Variants in ADAMTS9 observed in about 807,000 individuals in gnomAD.
ADAMTS9 encodes A disintegrin and metalloproteinase with thrombospondin motifs 9.
ADAMTS9 carries 107 observed loss-of-function variants against 257.1 expected under a neutral mutation model. The ratio of observed to expected loss-of-function variants is 0.42; its 90% confidence interval spans 0.36 to 0.49. The LOEUF is 0.49. ADAMTS9 is among the 20% of genes least tolerant of loss of function. The pLI, the probability that ADAMTS9 is intolerant of heterozygous loss-of-function variation, is 0.03. For missense variants in ADAMTS9, 2,353 were observed against 2,469.1 expected, an observed-to-expected ratio of 0.95 and a Z score of 1.00; for synonymous variants, 982 against 880.9, an observed-to-expected ratio of 1.11 and a Z score of -2.03.
chr3:64,621,319 T>C (rs1405808101), intron 18 of ADAMTS9, 79 bp from the exon 19 acceptor site: 2 of 1,470,252 alleles, frequency 1.4e-6, no homozygotes, highest in African/African-American at 2.8e-5. Flanking sequence ...TTGGCAAGCA[T>C]TTTCTCTAAA....
intron 30 of ADAMTS9, among the ~76,000 whole-genome samples, chr3:64,551,810 T>G (rs2106934329): frequency 6.6e-6 from 1 of 152,310 alleles, no homozygotes; most frequent in East Asian, 1.9e-4. Context: ...GCCCCTGTCC[T>G]AGTTTTCCAT....
At chr3:64,583,085 A>G (rs1337751603) in intron 28 of ADAMTS9, 2 of 152,248 alleles carry the variant, frequency 1.3e-5, no homozygotes, top group Non-Finnish European at 2.9e-5. Flanking sequence ...ATGAGGATAT[A>G]ACCCTTGTTT....
At position 64,622,482 on chromosome 3, in the gene ADAMTS9, AC is replaced by A; in HGVS notation, c.2493del (p.Ser832ProfsTer5). 6.2e-7 allele frequency: 1 copy of A among 1,614,066 alleles called. No homozygotes were observed. The highest frequency in any genetic ancestry group is 8.5e-7 in the Non-Finnish European group (1 of 1,179,978). On this transcript the variant is annotated frameshift_variant, in exon 17 of 40. Transcript: ENST00000498707. LOFTEE classifies it high-confidence loss of function. ...RIGNAVVEYS[G>X]SETAVERINS... ...TTAATTCTTTCTACGGCAGTCTCGG[AC>A]CCACTGTACTCTACCACAGCATTCC...
chr3:64,652,384 A>T (rs564315182), intron 8 of ADAMTS9, among the ~76,000 whole-genome samples: 1 of 152,342 alleles, frequency 6.6e-6, no homozygotes, highest in African/African-American at 2.4e-5. Context: ...TGAGACTCCT[A>T]TGCTTAAGAA....
intron 3 of ADAMTS9, among the ~76,000 whole-genome samples, chr3:64,676,132 C>G (rs1040956178): frequency 6.6e-6 from 1 of 152,052 alleles, no homozygotes; most frequent in Non-Finnish European, 1.5e-5. Context: ...CACAGATGTC[C>G]CAAAGAAGTA....
intron 4 of ADAMTS9, among the ~76,000 whole-genome samples, chr3:64,657,749 A>G (rs1483550887): frequency 2.0e-5 from 3 of 152,094 alleles, no homozygotes; most frequent in Non-Finnish European, 2.9e-5. Context: ...TTATGTTTCT[A>G]TTGGGCAGTG....
At chr3:64,655,514 T>A (rs896767879) in intron 6 of ADAMTS9, 62 bp downstream of exon 6, 1 of 1,368,150 alleles carries the variant, frequency 7.3e-7, no homozygotes, top group African/African-American at 1.4e-5. Flanking sequence ...TAGGAATGCA[T>A]GACCACATCC....
intron 22 of ADAMTS9, among the ~76,000 whole-genome samples, chr3:64,607,692 A>G (rs990189242): frequency 6.6e-6 from 1 of 152,200 alleles, no homozygotes; most frequent in African/African-American, 2.4e-5. Context: ...TGGTCCCTCC[A>G]CTGAAGCAAC....
intron 23 of ADAMTS9, among the ~76,000 whole-genome samples, chr3:64,606,558 A>T (rs1263603289): frequency 6.6e-6 from 1 of 152,204 alleles, no homozygotes; most frequent in Non-Finnish European, 1.5e-5. Flanking sequence ...CTTAATAATC[A>T]GTTTGCAAAA....
intron 28 of ADAMTS9, among the ~76,000 whole-genome samples, chr3:64,584,878 G>GT (rs1340750702): frequency 2.0e-5 from 3 of 152,050 alleles, no homozygotes; most frequent in African/African-American, 4.8e-5. Flanking sequence ...ACTCTTTTAT[G>GT]TAAATACCGT....
At chr3:64,521,341 G>A (rs1407539580) in intron 39 of ADAMTS9, 2 of 152,148 alleles carry the variant, frequency 1.3e-5, no homozygotes, top group Non-Finnish European at 2.9e-5. Flanking sequence ...TACACTGTTG[G>A]TGGGACTGTA....
At chr3:64,543,473 C>A (rs1405464569) in intron 32 of ADAMTS9, among the ~76,000 whole-genome samples, 1 of 152,174 alleles carries the variant, frequency 6.6e-6, no homozygotes, top group Non-Finnish European at 1.5e-5. Context: ...ATATGCAAAT[C>A]AATAAACGTA....
chr3:64,606,716 C>G (rs2084562300), intron 23 of ADAMTS9, among the ~76,000 whole-genome samples: 1 of 152,152 alleles, frequency 6.6e-6, no homozygotes, highest in South Asian at 2.1e-4. Flanking sequence ...CAAAACCCAA[C>G]ATTCATCATC....
At position 64,540,000 on chromosome 3, in the gene ADAMTS9, T is replaced by C. The variant is rs566222456; in HGVS notation, c.5522-706A>G. On this transcript the variant is annotated intron_variant, in intron 36 of 39. Transcript: ENST00000498707. ...TGCAAAAGCTGTCTGCCAGGGAGAC[T>C]GGAGGCCAGAGGCAGGTTTCATCTT... 8.5e-5 allele frequency among the ~76,000 whole-genome samples: 13 copies of C among 152,366 alleles called. No individual in the cohort carries two copies. In the South Asian group the frequency reaches 2.5e-3, roughly 29 times the overall value.
At chr3:64,533,123 A>T (rs1462184936) in intron 38 of ADAMTS9, 43 bp downstream of exon 38, 1 of 1,536,618 alleles carries the variant, frequency 6.5e-7, no homozygotes, top group Non-Finnish European at 9.0e-7. Flanking sequence ...GAACGAAAGA[A>T]AGAAATAAAA....
chr3:64,629,785 A>G (rs1004169677), intron 16 of ADAMTS9, among the ~76,000 whole-genome samples: 1 of 152,254 alleles, frequency 6.6e-6, no homozygotes, highest in Non-Finnish European at 1.5e-5. Context: ...CATATTAAAT[A>G]AGTGAGTGAG....
chr3:64,580,952 A>T (rs1041587742), intron 28 of ADAMTS9, among the ~76,000 whole-genome samples: 3 of 152,178 alleles, frequency 2.0e-5, no homozygotes, highest in African/African-American at 7.2e-5. Context: ...GGGGCTTTGG[A>T]GTCCATCAGG....
intron 28 of ADAMTS9, among the ~76,000 whole-genome samples, chr3:64,572,846 G>T (rs570070998): frequency 1.2e-4 from 18 of 152,098 alleles, no homozygotes; most frequent in African/African-American, 4.1e-4. Flanking sequence ...TTGGGAGGCC[G>T]AGGCAGGCGG....
chr3:64,668,064 C>T (rs934639392), intron 3 of ADAMTS9, among the ~76,000 whole-genome samples: 4 of 152,090 alleles, frequency 2.6e-5, no homozygotes, highest in African/African-American at 7.2e-5. Context: ...GGGAGAGTGA[C>T]CTTTCCGCCT....
Sources: allele counts gnomAD v4.1 joint callset (sites outside exome capture counted in the v4.1 genomes callset), GRCh38; gene constraint gnomAD v4.1.1; transcripts MANE v1.5; gene names NCBI Gene and HGNC (gene_info 2026-07-23, HGNC 2026-07-21).